The following HAO2 variants were observed in gnomAD, a reference collection of about 807,000 sequenced individuals.
HAO2 encodes the protein hydroxyacid oxidase 2, also known as 2-Hydroxyacid oxidase 2.
Under a neutral mutation model 37.4 loss-of-function variants are expected in HAO2, and 42 were observed. That is an observed-to-expected ratio of 1.12 (90% confidence interval 0.88 to 1.45). The LOEUF is 1.45. HAO2 is among the 40% of genes most tolerant of loss of function. The pLI, the probability that HAO2 is intolerant of heterozygous loss-of-function variation, is 0.00. For synonymous variants in HAO2, 180 were observed against 162.8 expected (o/e 1.11, Z -0.81); for missense variants, 476 against 430.2 (o/e 1.11, Z -0.94).
chr1:119,392,563 G>A, intron 6 of HAO2, 55 bp from the exon 7 acceptor site: 1 of 1,138,946 alleles, frequency 8.8e-7, no homozygotes, highest in Non-Finnish European at 1.3e-6. Flanking sequence ...CTAGTGGATG[G>A]TCAGAATGTT....
At position 119,394,024 on chromosome 1, in the gene HAO2, A is replaced by C; in HGVS notation, c.*184A>C. On this transcript the variant is annotated 3_prime_UTR_variant, in exon 8 of 8. Transcript: ENST00000325945. ...CCCTCCAAACCCCTGTGTTCCCCAA[A>C]TGTTCCATGCCCTTCTTTGTATCAC... 2 of 1,411,118 alleles carry C rather than the reference A, an allele frequency of 1.4e-6. No homozygotes were observed. The highest frequency in any genetic ancestry group is 1.9e-6 in the Non-Finnish European group (2 of 1,076,856). The allele number at this position is 1,411,118 out of a possible 1,614,324, so 87.4% of individuals were successfully genotyped here.
chr1:119,375,622 C>T (rs587659431), intron 1 of HAO2, among the ~76,000 whole-genome samples: 8 of 152,064 alleles, frequency 5.3e-5, no homozygotes, highest in African/African-American at 1.4e-4. Flanking sequence ...TTGTATTAGT[C>T]CATTTTCATA....
chr1:119,371,362 A>T (rs587596801), intron 1 of HAO2, among the ~76,000 whole-genome samples: 4 of 152,368 alleles, frequency 2.6e-5, no homozygotes, highest in South Asian at 4.1e-4. Context: ...AACGTATAGA[A>T]GAGTGCTCTG....
intron 2 of HAO2, 115 bp from the exon 3 acceptor site, chr1:119,382,791 AAGGTTCCAC>A: frequency 1.2e-6 from 1 of 842,114 alleles, no homozygotes; most frequent in East Asian, 2.6e-5. Flanking sequence ...TGAACCCACC[AAGGTTCCAC>A]AGGACCCTGT....
At chr1:119,392,432 G>C (rs750546018) in intron 6 of HAO2, 164 bp downstream of exon 6, 8 of 716,836 alleles carry the variant, frequency 1.1e-5, no homozygotes, top group South Asian at 1.8e-5. Context: ...CATTGCAAAT[G>C]TTCAATAGCT....
intron 3 of HAO2, 110 bp from the exon 4 acceptor site, chr1:119,384,666 T>C: frequency 1.2e-6 from 1 of 817,918 alleles, no homozygotes; most frequent in South Asian, 1.7e-5. Flanking sequence ...AATTAAGCTT[T>C]ATCTGCATTC....
chr1:119,375,475 G>A (rs760457052), intron 1 of HAO2, among the ~76,000 whole-genome samples: 2 of 151,932 alleles, frequency 1.3e-5, no homozygotes, highest in African/African-American at 4.8e-5. Context: ...AAATTATCTC[G>A]AGTTCAATAT....
At chr1:119,372,410 T>A (rs985656620) in intron 1 of HAO2, among the ~76,000 whole-genome samples, 8 of 152,226 alleles carry the variant, frequency 5.3e-5, no homozygotes, top group Admixed American at 5.2e-4. Context: ...TTTCACTTTG[T>A]TCTTCTTGAC....
chr1:119,392,804 G>A (rs1042218564), intron 7 of HAO2, 117 bp downstream of exon 7: 24 of 753,710 alleles, frequency 3.2e-5, no homozygotes, highest in Non-Finnish European at 5.1e-5. Flanking sequence ...CAAAAGATAG[G>A]ACAGGCAGGC....
chr1:119,378,280 A>G (rs985605281), intron 1 of HAO2, among the ~76,000 whole-genome samples: 2 of 152,026 alleles, frequency 1.3e-5, no homozygotes, highest in Non-Finnish European at 2.9e-5. Context: ...ATCTCATGAG[A>G]CTCATTCACT....
intron 6 of HAO2, 82 bp from the exon 7 acceptor site, chr1:119,392,536 T>C: frequency 2.2e-6 from 2 of 923,258 alleles, no homozygotes; most frequent in Non-Finnish European, 3.6e-6. Flanking sequence ...TAGCTCTGAC[T>C]ACATCTAGAA....
In HAO2 at chr1:119,369,734, G is replaced by A. The variant is rs181056968; in HGVS notation, c.-9+832G>A. 2.5e-3 allele frequency among the ~76,000 whole-genome samples: 380 copies of A among 152,152 alleles called. 4 individuals are homozygous for A. Among genetic ancestry groups the A allele is most frequent in the African/African-American group, 8.8e-3 (366 of 41,522 alleles). Reference sequence around the variant, plus strand: ...TGTGGTATATCATTTGAGAGGTAATGGGAATATTGCCAAATTCCCAGGTAA... The same window carrying A: ...TGTGGTATATCATTTGAGAGGTAATAGGAATATTGCCAAATTCCCAGGTAA... On this transcript the variant is annotated intron_variant, in intron 1 of 7. Coordinates refer to ENST00000325945, the MANE Select transcript of HAO2 (RefSeq NM_016527.4).
intron 5 of HAO2, among the ~76,000 whole-genome samples, chr1:119,390,146 T>C (rs1356493796): frequency 1.3e-5 from 2 of 152,236 alleles, no homozygotes; most frequent in Non-Finnish European, 2.9e-5. Context: ...CATTGGTCCA[T>C]GTGCCTATTT....
Position 119,381,256 on chromosome 1 carries a change from G to A in HAO2, c.131+40G>A, listed in dbSNP as rs756969678. ...AGCCTGTCTATTGTTAGGTTAAGGT[G>A]CACTGGTGGAGAGCAACTTGGACAG... On this transcript the variant is annotated intron_variant, in intron 2 of 7. Transcript: ENST00000325945. 6 of 1,526,206 alleles carry A rather than the reference G, an allele frequency of 3.9e-6. No homozygotes were observed. In the African/African-American group the frequency reaches 6.8e-5, roughly 17 times the overall value. The allele number at this position is 1,526,206 out of a possible 1,614,324, so 94.5% of individuals were successfully genotyped here.
At chr1:119,374,185 T>G (rs1444450094) in intron 1 of HAO2, among the ~76,000 whole-genome samples, 1 of 152,238 alleles carries the variant, frequency 6.6e-6, no homozygotes, top group Non-Finnish European at 1.5e-5. Flanking sequence ...GGGGCTCATC[T>G]GCCTCAGTCA....
rs138433286 is a variant in HAO2, at chr1:119,389,671, C to T, written c.772-2439C>T. 1.3e-4 allele frequency among the ~76,000 whole-genome samples: 19 copies of T among 147,688 alleles called. No homozygotes were observed. In the East Asian group the frequency reaches 2.0e-3, roughly 15 times the overall value. The stretch of plus-strand genomic sequence containing the variant: ...TTCTTGTTAATTTGTTTGAGTTCCT[C>T]GTAGATTCTGGTTGTTAGTCTTTTG... On this transcript the variant is annotated intron_variant, in intron 5 of 7. Coordinates refer to ENST00000325945, the MANE Select transcript of HAO2 (RefSeq NM_016527.4).
At chr1:119,392,405 A>G (rs1650985096) in intron 6 of HAO2, 137 bp downstream of exon 6, 3 of 782,212 alleles carry the variant, frequency 3.8e-6, no homozygotes, top group Non-Finnish European at 4.2e-6. Context: ...CTGCATCTCC[A>G]TGCTTCTTCT....
intron 5 of HAO2, 130 bp from the exon 6 acceptor site, chr1:119,391,980 C>T (rs1204632742): frequency 4.0e-6 from 3 of 747,648 alleles, no homozygotes; most frequent in Non-Finnish European, 6.5e-6. Context: ...CGCTAGCAGC[C>T]TCAAGCATGG....
Position 119,383,050 on chromosome 1 carries a change from A to G in HAO2, c.267A>G (p.Glu89=), listed in dbSNP as rs1021894815. 1.2e-6 allele frequency: 2 copies of G among 1,612,530 alleles called. No individual in the cohort carries two copies. The highest frequency in any genetic ancestry group is 2.7e-5 in the African/African-American group (2 of 74,908). The part of the protein sequence containing the change: ...GFHCLVWPDG[E]MSTARAAQAA... Reference sequence around the variant, plus strand: ...ACTGCCTTGTCTGGCCTGATGGGGAAATGAGCACAGCAAGAGGTATGAACC... The same window carrying G: ...ACTGCCTTGTCTGGCCTGATGGGGAGATGAGCACAGCAAGAGGTATGAACC... Residue 89 remains glutamate (E), a synonymous_variant, in exon 3 of 8, where the codon GAA becomes GAG. Transcript: ENST00000325945.
Sources: gnomAD v4.1 joint callset for allele counts (sites outside exome capture counted in the v4.1 genomes callset) on GRCh38, gnomAD v4.1.1 for gene constraint, MANE v1.5 for transcripts, NCBI Gene and HGNC (gene_info 2026-07-23, HGNC 2026-07-21) for gene names.